Variants in RNGTT observed in about 807,000 individuals in gnomAD.
RNGTT encodes RNA guanylyltransferase and 5'-phosphatase, also known as mRNA-capping enzyme.
Under a neutral mutation model 79.3 loss-of-function variants are expected in RNGTT, and 33 were observed. The ratio of observed to expected loss-of-function variants is 0.42; its 90% CI spans 0.32 to 0.56. The LOEUF is 0.56. Among genes scored for constraint, RNGTT ranks in the 20% least tolerant of loss-of-function variants. The pLI is 0.17. For missense variants in RNGTT, 497 were observed against 739.1 expected (o/e 0.67, Z 3.80); for synonymous variants, 222 against 235.9 (o/e 0.94, Z 0.54).
chr6:88,938,672 T>C (rs1784747757), intron 2 of RNGTT, among the ~76,000 whole-genome samples: 1 of 152,300 alleles, frequency 6.6e-6, no homozygotes, highest in South Asian at 2.1e-4. Flanking sequence ...ATTTGAGTTT[T>C]TCCCCCTTCA....
At chr6:88,905,071 T>C (rs1783608390) in intron 5 of RNGTT, 116 bp from the exon 6 acceptor site, 3 of 1,300,276 alleles carry the variant, frequency 2.3e-6, no homozygotes, top group Non-Finnish European at 3.2e-6. Flanking sequence ...GTTTATAAAA[T>C]GGGCAAATCA....
intron 4 of RNGTT, among the ~76,000 whole-genome samples, chr6:88,909,732 C>T (rs73754839): frequency 0.092 from 14,045 of 152,154 alleles, 714 homozygotes; most frequent in African/African-American, 0.12. Context: ...AGGGAGCATG[C>T]GCAGCTGTGT....
intron 12 of RNGTT, among the ~76,000 whole-genome samples, chr6:88,791,026 C>T (rs1387798840): frequency 2.0e-5 from 3 of 151,602 alleles, no homozygotes; most frequent in East Asian, 1.9e-4. Context: ...ATCAGGAATG[C>T]GTTACATTAT....
At chr6:88,675,061 G>A (rs904845447) in intron 14 of RNGTT, among the ~76,000 whole-genome samples, 1 of 150,482 alleles carries the variant, frequency 6.6e-6, no homozygotes, top group African/African-American at 2.4e-5. Context: ...TTGTGCCACT[G>A]CACTCCAGCC....
chr6:88,695,358 A>C (rs918516211), intron 13 of RNGTT, among the ~76,000 whole-genome samples: 1 of 152,216 alleles, frequency 6.6e-6, no homozygotes, highest in Non-Finnish European at 1.5e-5. Flanking sequence ...GAACTTGAAT[A>C]GACATTTCTC....
At chr6:88,650,828 G>A (rs180787727) in intron 14 of RNGTT, among the ~76,000 whole-genome samples, 3 of 152,260 alleles carry the variant, frequency 2.0e-5, no homozygotes, top group Admixed American at 6.5e-5. Context: ...AAAACAACAA[G>A]TAGGGCTGAC....
At chr6:88,839,796 C>T (rs1203489926) in intron 11 of RNGTT, among the ~76,000 whole-genome samples, 3 of 152,026 alleles carry the variant, frequency 2.0e-5, no homozygotes, top group Admixed American at 2.0e-4. Context: ...TTGAATTGGC[C>T]TTCAAACTGG....
chr6:88,839,450 GT>G (rs1781191294), intron 11 of RNGTT, among the ~76,000 whole-genome samples: 1 of 152,070 alleles, frequency 6.6e-6, no homozygotes, highest in Admixed American at 6.5e-5. Context: ...CCGGTCTATA[GT>G]TCCAGCTATT....
At chr6:88,652,597 T>G (rs1231141642) in intron 14 of RNGTT, among the ~76,000 whole-genome samples, 19 of 152,166 alleles carry the variant, frequency 1.2e-4, no homozygotes, top group Non-Finnish European at 2.1e-4. Context: ...TACTTCCTAT[T>G]ACAAATTTGG....
intron 1 of RNGTT, among the ~76,000 whole-genome samples, chr6:88,962,040 A>T (rs1448298802): frequency 6.6e-6 from 1 of 152,212 alleles, no homozygotes; most frequent in Non-Finnish European, 1.5e-5. Context: ...TGAGTGAAAA[A>T]AGCCACACAC....
intron 1 of RNGTT, 83 bp from the exon 2 acceptor site, chr6:88,941,263 A>T: frequency 1.0e-6 from 1 of 984,704 alleles, no homozygotes; most frequent in Non-Finnish European, 1.6e-6. Context: ...CTCAAATATC[A>T]CCTTCTTAAA....
chr6:88,696,504 G>C (rs555481172), intron 13 of RNGTT, among the ~76,000 whole-genome samples: 1 of 152,098 alleles, frequency 6.6e-6, no homozygotes, highest in Non-Finnish European at 1.5e-5. Context: ...AATGATTTAT[G>C]TGGGAATTAG....
At position 88,904,764 on chromosome 6, in the gene RNGTT, G is replaced by T. The variant is rs1047642981; in HGVS notation, c.635C>A (p.Pro212His). 1 of 1,613,684 alleles carries T rather than the reference G, an allele frequency of 6.2e-7. No individual in the cohort carries two copies. Among genetic ancestry groups the T allele is most frequent in the Non-Finnish European group, 8.5e-7 (1 of 1,179,970 alleles). ...EDEDGKKESE[P>H]GSSASFGKRR... ...TTTGCCAAAAGAAGCACTTGACCCG[G>T]GTTCTGATTCCTTCTTTCCATCCTC... The change falls in exon 6 of 16, where the codon CCC becomes CAC. Residue 212 changes from proline (P) to histidine (H), a missense_variant. Transcript: ENST00000369485.
chr6:88,846,428 A>G (rs1034423024), intron 10 of RNGTT, among the ~76,000 whole-genome samples: 2 of 152,080 alleles, frequency 1.3e-5, no homozygotes, highest in African/African-American at 4.8e-5. Flanking sequence ...ATTTTTTGCT[A>G]TGTCCCACAC....
At chr6:88,684,730 A>C (rs148117597) in intron 13 of RNGTT, among the ~76,000 whole-genome samples, 1 of 152,164 alleles carries the variant, frequency 6.6e-6, no homozygotes, top group African/African-American at 2.4e-5. Context: ...GTCATTATAC[A>C]TTTGTCAAAA....
chr6:88,710,578 C>T (rs190249365), intron 13 of RNGTT, among the ~76,000 whole-genome samples: 2 of 152,260 alleles, frequency 1.3e-5, no homozygotes, highest in East Asian at 1.9e-4. Flanking sequence ...ATCAACCTAA[C>T]GGTGAAGCAC....
chr6:88,805,339 A>C (rs1779920492), intron 11 of RNGTT, among the ~76,000 whole-genome samples: 1 of 152,222 alleles, frequency 6.6e-6, no homozygotes, highest in African/African-American at 2.4e-5. Flanking sequence ...AGCCCAAAAC[A>C]CAAGAGATAC....
intron 13 of RNGTT, among the ~76,000 whole-genome samples, chr6:88,684,564 T>C (rs879400872): frequency 6.6e-5 from 10 of 152,142 alleles, no homozygotes; most frequent in Non-Finnish European, 1.0e-4. Flanking sequence ...AAATGAGCTA[T>C]CAAGCCACGA....
At chr6:88,641,382 T>C (rs1245402139) in intron 14 of RNGTT, among the ~76,000 whole-genome samples, 1 of 150,558 alleles carries the variant, frequency 6.6e-6, no homozygotes, top group Non-Finnish European at 1.5e-5. Flanking sequence ...AGCTGAAATA[T>C]ACTGTAAGCA....
Sources: gnomAD v4.1 joint callset for allele counts (sites outside exome capture counted in the v4.1 genomes callset) on GRCh38, gnomAD v4.1.1 for gene constraint, MANE v1.5 for transcripts, NCBI Gene and HGNC (gene_info 2026-07-23, HGNC 2026-07-21) for gene names.